Variants in GPC5 observed in about 807,000 individuals in gnomAD.
GPC5 encodes the protein glypican-5.
Under a neutral mutation model 53.9 loss-of-function variants are expected in GPC5, and 47 were observed. The ratio of observed to expected loss-of-function variants is 0.87; its 90% CI spans 0.69 to 1.11. The LOEUF (loss-of-function observed/expected upper bound fraction) is 1.11, where lower values mean the gene tolerates loss of function less well. Ranked by LOEUF, GPC5 falls within the 50% of genes most tolerant of loss-of-function variation. GPC5 has a pLI of 0.00. For synonymous variants in GPC5, 286 were observed against 263.3 expected, an observed-to-expected ratio of 1.09 and a Z score of -0.84; for missense variants, 748 against 713.1, an observed-to-expected ratio of 1.05 and a Z score of -0.56.
At chr13:92,818,443 C>T (rs1877558791) in intron 7 of GPC5, among the ~76,000 whole-genome samples, 3 of 151,788 alleles carry the variant, frequency 2.0e-5, no homozygotes, top group African/African-American at 4.9e-5. Flanking sequence ...AGAAACAATG[C>T]TTTTCTTATA....
At chr13:92,648,850 C>G (rs1316999) in intron 7 of GPC5, among the ~76,000 whole-genome samples, 38,106 of 151,900 alleles carry the variant, frequency 0.25, 5,261 homozygotes, top group South Asian at 0.39. Context: ...GAGTGGCTCC[C>G]AATTGCTCAT....
chr13:91,402,568 C>T (rs1877030861), intron 1 of GPC5, among the ~76,000 whole-genome samples: 1 of 152,206 alleles, frequency 6.6e-6, no homozygotes, highest in African/African-American at 2.4e-5. Flanking sequence ...GACAAATTAT[C>T]ATCTTGAACC....
chr13:92,652,761 CAAAGATGCAATCCCT>C, intron 7 of GPC5, among the ~76,000 whole-genome samples: 1 of 152,242 alleles, frequency 6.6e-6, no homozygotes, highest in East Asian at 1.9e-4. Context: ...AGCATCATGG[CAAAGATGCAATCCCT>C]TATCATCTTT....
intron 5 of GPC5, among the ~76,000 whole-genome samples, chr13:91,803,301 C>A (rs1165177673): frequency 1.3e-5 from 2 of 152,054 alleles, no homozygotes; most frequent in Non-Finnish European, 2.9e-5. Flanking sequence ...GTGATGAAAT[C>A]AATTTACATC....
chr13:91,830,932 T>TAATA (rs1429543399), intron 5 of GPC5, among the ~76,000 whole-genome samples: 1 of 135,762 alleles, frequency 7.4e-6, no homozygotes, highest in Non-Finnish European at 1.5e-5. Context: ...CTATTATATA[T>TAATA]TATATATCCT....
At chr13:92,014,060 T>C (rs1476415273) in intron 6 of GPC5, among the ~76,000 whole-genome samples, 1 of 152,200 alleles carries the variant, frequency 6.6e-6, no homozygotes, top group Non-Finnish European at 1.5e-5. Flanking sequence ...AGGCTTTAAA[T>C]GCATTTGCAT....
chr13:91,731,615 A>G (rs184551684), intron 4 of GPC5, among the ~76,000 whole-genome samples: 1 of 152,144 alleles, frequency 6.6e-6, no homozygotes. Flanking sequence ...TGCTGCACCT[A>G]TCAACCTGTC....
chr13:91,498,083 C>T (rs1267080547), intron 2 of GPC5, among the ~76,000 whole-genome samples: 2 of 107,922 alleles, frequency 1.9e-5, no homozygotes, highest in African/African-American at 6.0e-5. Context: ...CTTTTTTAAT[C>T]TTAGATTTTT....
chr13:91,985,863 T>A (rs1246079228), intron 6 of GPC5, among the ~76,000 whole-genome samples: 1 of 152,080 alleles, frequency 6.6e-6, no homozygotes, highest in Non-Finnish European at 1.5e-5. Context: ...ACTGGTAAAT[T>A]GTGTTCTGAA....
In GPC5 at chr13:92,101,812, C is replaced by T. The variant is rs372544094; in HGVS notation, c.1402-43018C>T. On this transcript the variant is annotated intron_variant, in intron 6 of 7. Transcript: ENST00000377067. Reference sequence around the variant, plus strand: ...AACATTTACACACCTTGGAGAAAATCCTGACTTCTTTTAGTTTCTCCTCTG... The same window carrying T: ...AACATTTACACACCTTGGAGAAAATTCTGACTTCTTTTAGTTTCTCCTCTG... 1.8e-4 allele frequency among the ~76,000 whole-genome samples: 28 copies of T among 152,280 alleles called. No individual in the cohort carries two copies. In the South Asian group the frequency reaches 5.6e-3, roughly 30 times the overall value.
intron 7 of GPC5, among the ~76,000 whole-genome samples, chr13:92,621,547 A>C (rs1317558185): frequency 6.6e-6 from 1 of 152,160 alleles, no homozygotes; most frequent in East Asian, 1.9e-4. Context: ...TTGGCCAAGC[A>C]CAGTAGCTCA....
Position 92,251,335 on chromosome 13 carries a change from G to A in GPC5, c.1561+106346G>A, listed in dbSNP as rs190052079. On this transcript the variant is annotated intron_variant, in intron 7 of 7. Coordinates refer to ENST00000377067, the MANE Select transcript of GPC5 (RefSeq NM_004466.6). ...CATGTTAGGCTGAGTTTTGCAGTGG[G>A]AAAAATTACCAGTGTAAGGTGGCTC... is the stretch of plus-strand genomic sequence containing the variant. 1.4e-3 allele frequency among the ~76,000 whole-genome samples: 207 copies of A among 152,124 alleles called. 1 individual carries two copies. The highest frequency in any genetic ancestry group is 9.7e-3 in the East Asian group (50 of 5,170).
chr13:92,266,434 TC>T (rs1219787374), intron 7 of GPC5, among the ~76,000 whole-genome samples: 1 of 152,136 alleles, frequency 6.6e-6, no homozygotes, highest in Non-Finnish European at 1.5e-5. Flanking sequence ...CATTCAGACT[TC>T]CAGGATTTAA....
chr13:91,640,476 C>A (rs1301087063), intron 2 of GPC5, among the ~76,000 whole-genome samples: 1 of 152,126 alleles, frequency 6.6e-6, no homozygotes, highest in Non-Finnish European at 1.5e-5. Context: ...AGTCAAGAAA[C>A]AACAGATGCT....
chr13:91,855,955 C>T (rs2138900970), intron 5 of GPC5, among the ~76,000 whole-genome samples: 1 of 151,512 alleles, frequency 6.6e-6, no homozygotes, highest in South Asian at 2.1e-4. Context: ...TAGAAAGTTC[C>T]CTTTGTCCCC....
At chr13:92,249,427 T>C (rs1305158830) in intron 7 of GPC5, among the ~76,000 whole-genome samples, 1 of 152,116 alleles carries the variant, frequency 6.6e-6, no homozygotes, top group East Asian at 1.9e-4. Context: ...TCTCTCCAAC[T>C]ACAATTCAAA....
rs150316468 is a variant in GPC5 at position 92,427,420 on chromosome 13, A to T, written c.1561+282431A>T. The stretch of plus-strand genomic sequence containing the variant: ...ACAAATTCCTCAGGAGGAGCAAAAT[A>T]TTTATTGGAACTTAGCTCGGATATA... On this transcript the variant is annotated intron_variant, in intron 7 of 7. Coordinates refer to ENST00000377067, the MANE Select transcript of GPC5 (RefSeq NM_004466.6). Among the ~76,000 whole-genome samples the T allele has an allele frequency of 3.8e-3, 573 of 151,246 alleles. 6 individuals are homozygous for T. The highest frequency in any genetic ancestry group is 0.013 in the African/African-American group (556 of 41,200).
chr13:91,727,280 G>A (rs545175340), intron 3 of GPC5, among the ~76,000 whole-genome samples: 9 of 152,234 alleles, frequency 5.9e-5, no homozygotes, highest in South Asian at 2.1e-4. Context: ...GTCTCATCCC[G>A]ATGGATAGTA....
At chr13:92,374,142 T>C (rs907080353) in intron 7 of GPC5, among the ~76,000 whole-genome samples, 2 of 152,162 alleles carry the variant, frequency 1.3e-5, no homozygotes, top group Non-Finnish European at 2.9e-5. Flanking sequence ...AAAGAAACCA[T>C]GGTATAGTTT....
Sources: allele counts gnomAD v4.1 joint callset (sites outside exome capture counted in the v4.1 genomes callset), GRCh38; gene constraint gnomAD v4.1.1; transcripts MANE v1.5; gene names NCBI Gene and HGNC (gene_info 2026-07-23, HGNC 2026-07-21).